The following SPATA24 variants were observed in gnomAD, a reference collection of about 807,000 sequenced individuals.
The protein encoded by SPATA24 is spermatogenesis-associated protein 24.
In SPATA24, 21 loss-of-function variants were observed where a neutral mutation model predicts 28.9. The observed-to-expected ratio is 0.73, with a 90% CI of 0.52 to 1.05. The LOEUF (loss-of-function observed/expected upper bound fraction) is 1.05. Ranked by LOEUF, SPATA24 falls within the 50% of genes least tolerant of loss-of-function variation. The probability of loss-of-function intolerance (pLI) is 0.00; values close to 1 mark genes in which losing one functional copy is unlikely to be tolerated. For synonymous variants in SPATA24, 76 were observed against 89.9 expected, an observed-to-expected ratio of 0.85 and a Z score of 0.88; for missense variants, 215 against 242.9, an observed-to-expected ratio of 0.88 and a Z score of 0.76.
At chr5:139,400,360 G>A (rs560799898) in intron 4 of SPATA24, among the ~76,000 whole-genome samples, 8 of 147,152 alleles carry the variant, frequency 5.4e-5, no homozygotes, top group East Asian at 2.0e-4. Flanking sequence ...AGGCTGGAGC[G>A]CAATGGCATG....
downstream of SPATA24, chr5:139,393,751 AC>A: frequency 1.3e-6 from 2 of 1,551,310 alleles, no homozygotes; most frequent in Non-Finnish European, 1.7e-6. Context: ...AGTTTCCTCG[AC>A]GGCAGGATTT....
rs989309836 is a variant in SPATA24 at position 139,397,152 on chromosome 5, G to C, written c.386-9C>G. On this transcript the variant is annotated splice_polypyrimidine_tract_variant and intron_variant, in intron 4 of 5. Coordinates refer to ENST00000450845, the MANE Select transcript of SPATA24 (RefSeq NM_194296.2). Reference sequence around the variant, plus strand: ...AATGTGAGACTCAATCTCTGTGGGGGAGAGAGGCAGGGAGGAGGGGTGGTT... The same window carrying C: ...AATGTGAGACTCAATCTCTGTGGGGCAGAGAGGCAGGGAGGAGGGGTGGTT... The C allele has an allele frequency of 6.5e-7, 1 of 1,547,902 alleles. No individual in the cohort carries two copies. Among genetic ancestry groups the C allele is most frequent in the African/African-American group, 1.4e-5 (1 of 73,058 alleles).
downstream of SPATA24, chr5:139,396,616 A>G (rs1323197120): frequency 6.9e-6 from 10 of 1,445,822 alleles, no homozygotes; most frequent in African/African-American, 1.3e-4. Flanking sequence ...ACCCAAAGGA[A>G]GCGGTGGTGC....
At chr5:139,396,152 C>G (rs1758701504), downstream of SPATA24, 2 of 985,128 alleles carry the variant, frequency 2.0e-6, no homozygotes, top group African/African-American at 1.7e-5. Flanking sequence ...ACAGGCTACA[C>G]TGGGCTAATC....
chr5:139,394,131 G>T (rs1758648921), downstream of SPATA24: 3 of 1,547,362 alleles, frequency 1.9e-6, no homozygotes, highest in Non-Finnish European at 1.7e-6. Flanking sequence ...GCTCGCGGAG[G>T]CTGGGCCACG....
downstream of SPATA24, chr5:139,393,683 C>T (rs377325818): frequency 2.2e-4 from 339 of 1,550,858 alleles, 2 homozygotes; most frequent in Middle Eastern, 2.2e-3. Context: ...CTCCTTTCCC[C>T]AGCAACACAC....
At chr5:139,393,749 C>T, downstream of SPATA24, 1 of 1,551,402 alleles carries the variant, frequency 6.4e-7, no homozygotes, top group Non-Finnish European at 8.7e-7. Context: ...ACAGTTTCCT[C>T]GACGGCAGGA....
chr5:139,396,257 C>T (rs991398308), downstream of SPATA24: 1 of 985,282 alleles, frequency 1.0e-6, no homozygotes. Context: ...CTGCTCCATC[C>T]CATCCAGCCC....
At chr5:139,399,965 G>C (rs527856628) in intron 4 of SPATA24, among the ~76,000 whole-genome samples, 18 of 152,228 alleles carry the variant, frequency 1.2e-4, no homozygotes, top group Non-Finnish European at 2.5e-4. Flanking sequence ...GAAGTAAGGG[G>C]ATGCCCAGGG....
downstream of SPATA24, chr5:139,393,814 C>T (rs867533578): frequency 6.4e-7 from 1 of 1,551,312 alleles, no homozygotes; most frequent in Non-Finnish European, 8.7e-7. Context: ...ACTCACCCTC[C>T]GAGTAGTCCG....
downstream of SPATA24, chr5:139,394,647 C>T (rs953942619): frequency 1.6e-5 from 24 of 1,534,538 alleles, 1 homozygote; most frequent in Admixed American, 9.8e-5. Context: ...CTGGCCCCGG[C>T]GGCAAGGGGC....
At chr5:139,394,336 C>A, downstream of SPATA24, 1 of 1,444,414 alleles carries the variant, frequency 6.9e-7, no homozygotes, top group Non-Finnish European at 9.1e-7. Context: ...CTGCACGAAG[C>A]CCGCGGCGGC....
At position 139,404,071 on chromosome 5, in the gene SPATA24, C is replaced by G; in HGVS notation, c.-11G>C. 6.5e-7 allele frequency: 1 copy of G among 1,549,262 alleles called. No individual in the cohort carries two copies. On this transcript the variant is annotated 5_prime_UTR_variant, in exon 1 of 6. Coordinates refer to ENST00000450845, the MANE Select transcript of SPATA24 (RefSeq NM_194296.2). Reference sequence around the variant, plus strand: ...GAGGGGCGTCGCCATCTTCCGCCCCCGCCAGCTAGTTGGAAATGGCTGCCT... The same window carrying G: ...GAGGGGCGTCGCCATCTTCCGCCCCGGCCAGCTAGTTGGAAATGGCTGCCT...
In SPATA24 at chr5:139,396,970, G is replaced by A. The variant is rs1239832032; in HGVS notation, c.489-41C>T. 3.2e-6 allele frequency: 5 copies of A among 1,551,446 alleles called. No individual in the cohort carries two copies. In the East Asian group the frequency reaches 1.2e-4, roughly 38 times the overall value. ...CTGGTGGTGGGCTGTGGACAGCCAA[G>A]GGTAGGTAGGGGCCAGAGGTCTGGC... is the stretch of plus-strand genomic sequence containing the variant. On this transcript the variant is annotated intron_variant, in intron 5 of 5. Coordinates refer to ENST00000450845, the MANE Select transcript of SPATA24 (RefSeq NM_194296.2).
downstream of SPATA24, chr5:139,394,261 G>A (rs750520103): frequency 3.9e-6 from 6 of 1,544,758 alleles, no homozygotes; most frequent in East Asian, 2.5e-5. Context: ...CGACCGCCCC[G>A]TGGACCCGAA....
intron 4 of SPATA24, among the ~76,000 whole-genome samples, chr5:139,398,789 C>T (rs968395752): frequency 1.6e-5 from 2 of 126,112 alleles, no homozygotes; most frequent in Admixed American, 1.6e-4. Flanking sequence ...TTTGGGAGGC[C>T]AAGGCGGGTG....
Position 139,402,636 on chromosome 5 carries a change from T to G in SPATA24, c.175A>C (p.Lys59Gln), listed in dbSNP as rs1384300682. 6.4e-6 allele frequency: 10 copies of G among 1,551,612 alleles called. No individual in the cohort carries two copies. The highest frequency in any genetic ancestry group is 2.7e-5 in the African/African-American group (2 of 72,994). ...SKEEFQAVEK[K>Q]LVEEKAAHAK... Reference sequence around the variant, plus strand: ...CAGAGGCCATTACTTACCACCAGCTTCTTCTCCACTGCCTGGAACTCTTCT... The same window carrying G: ...CAGAGGCCATTACTTACCACCAGCTGCTTCTCCACTGCCTGGAACTCTTCT... Residue 59 changes from lysine to glutamine, a missense_variant, in exon 2 of 6, where the codon AAG becomes CAG. By Grantham distance (53) the Lys-to-Gln change is moderately conservative (BLOSUM62 1). Coordinates refer to ENST00000450845, the MANE Select transcript of SPATA24 (RefSeq NM_194296.2).
downstream of SPATA24, chr5:139,393,932 G>A: frequency 2.6e-6 from 4 of 1,550,930 alleles, no homozygotes; most frequent in Non-Finnish European, 3.5e-6. Flanking sequence ...GCCCTACTCG[G>A]AACCTCCGAG....
chr5:139,394,965 A>G (rs1166388589), downstream of SPATA24: 5 of 1,520,384 alleles, frequency 3.3e-6, no homozygotes, highest in East Asian at 1.3e-4. Flanking sequence ...GCTCCGGAGA[A>G]CCTGGAGCCG....
Sources: gnomAD v4.1 joint callset for allele counts (sites outside exome capture counted in the v4.1 genomes callset) on GRCh38, gnomAD v4.1.1 for gene constraint, MANE v1.5 for transcripts, NCBI Gene and HGNC (gene_info 2026-07-23, HGNC 2026-07-21) for gene names.